Variants in GALNT13 observed in about 807,000 individuals in gnomAD.
GALNT13 encodes the protein polypeptide N-acetylgalactosaminyltransferase 13, also known as UDP-GalNAc:polypeptide N-acetylgalactosaminyltransferase 13.
In GALNT13, 28 loss-of-function variants were observed where a neutral mutation model predicts 64.2. The ratio of observed to expected loss-of-function variants is 0.44; its 90% confidence interval spans 0.32 to 0.60. The LOEUF (loss-of-function observed/expected upper bound fraction) is 0.60. GALNT13 is among the 20% of genes least tolerant of loss of function. The pLI, the probability that GALNT13 is intolerant of heterozygous loss-of-function variation, is 0.05. For missense variants in GALNT13, 577 were observed against 669.8 expected (o/e 0.86, Z 1.53); for synonymous variants, 214 against 224.6 (o/e 0.95, Z 0.42).
chr2:154,339,402 A>T (rs1695630431), intron 9 of GALNT13, among the ~76,000 whole-genome samples: 1 of 152,130 alleles, frequency 6.6e-6, no homozygotes, highest in Non-Finnish European at 1.5e-5. Flanking sequence ...ACTCAAAAAA[A>T]TAGTGGGTGT....
the GALNT13 span, among the ~76,000 whole-genome samples, chr2:153,507,434 C>T: frequency 2.6e-5 from 4 of 152,122 alleles, no homozygotes; most frequent in East Asian, 1.9e-4. Flanking sequence ...GCCCGTGCCA[C>T]GATGCACAGC....
intron 9 of GALNT13, among the ~76,000 whole-genome samples, chr2:154,312,711 T>G (rs774232169): frequency 6.6e-6 from 1 of 152,190 alleles, no homozygotes; most frequent in Non-Finnish European, 1.5e-5. Flanking sequence ...CCCAGAAATA[T>G]TTGTTAAATG....
At chr2:154,116,563 A>G (rs1159293374) in intron 3 of GALNT13, among the ~76,000 whole-genome samples, 1 of 152,142 alleles carries the variant, frequency 6.6e-6, no homozygotes, top group East Asian at 1.9e-4. Flanking sequence ...AACCAGCTTC[A>G]TTGTTTTTTG....
At chr2:154,428,913 G>A (rs759650336) in intron 11 of GALNT13, among the ~76,000 whole-genome samples, 1 of 151,832 alleles carries the variant, frequency 6.6e-6, no homozygotes, top group African/African-American at 2.4e-5. Context: ...TCCCACGGGC[G>A]CCTGCCACCA....
At chr2:154,065,766 A>G (rs1309378005) in intron 3 of GALNT13, among the ~76,000 whole-genome samples, 1 of 152,188 alleles carries the variant, frequency 6.6e-6, no homozygotes, top group African/African-American at 2.4e-5. Context: ...ACAGGTATGA[A>G]CAAGCCCAGA....
intron 3 of GALNT13, among the ~76,000 whole-genome samples, chr2:154,017,314 TA>T (rs1697074676): frequency 2.0e-5 from 3 of 152,194 alleles, no homozygotes; most frequent in Admixed American, 2.0e-4. Context: ...TATCCACATA[TA>T]ACTTTTCACA....
chr2:153,622,881 A>G, the GALNT13 span, among the ~76,000 whole-genome samples: 2 of 152,094 alleles, frequency 1.3e-5, no homozygotes, highest in Non-Finnish European at 2.9e-5. Flanking sequence ...CCTATATGTA[A>G]ATGTAACACA....
At chr2:153,976,210 T>TC (rs975698436) in intron 3 of GALNT13, among the ~76,000 whole-genome samples, 4 of 152,164 alleles carry the variant, frequency 2.6e-5, no homozygotes, top group African/African-American at 9.6e-5. Context: ...CATTTTATCC[T>TC]CAGTGCTTAG....
chr2:153,316,439 G>A, the GALNT13 span, among the ~76,000 whole-genome samples: 27 of 151,384 alleles, frequency 1.8e-4, no homozygotes, highest in Non-Finnish European at 3.2e-4. Context: ...TCAGGAGATC[G>A]AGACCATCCT....
chr2:153,172,946 A>G, the GALNT13 span, among the ~76,000 whole-genome samples: 5 of 152,142 alleles, frequency 3.3e-5, no homozygotes, highest in Non-Finnish European at 5.9e-5. Flanking sequence ...CTGAATGTCT[A>G]AGGCAGATTA....
the GALNT13 span, among the ~76,000 whole-genome samples, chr2:153,672,702 C>G: frequency 6.7e-6 from 1 of 150,200 alleles, no homozygotes; most frequent in South Asian, 2.1e-4. Context: ...TATCTAAGAT[C>G]AGAGCAGAAC....
At chr2:153,300,490 G>A in the GALNT13 span, among the ~76,000 whole-genome samples, 6 of 152,216 alleles carry the variant, frequency 3.9e-5, no homozygotes, top group Admixed American at 6.5e-5. Flanking sequence ...AAGCAAAGGG[G>A]ATTGCTGAGG....
chr2:153,273,285 A>C, the GALNT13 span, among the ~76,000 whole-genome samples: 2 of 152,180 alleles, frequency 1.3e-5, no homozygotes, highest in Non-Finnish European at 2.9e-5. Flanking sequence ...AATTTTTTTA[A>C]AAAAATGAAC....
At chr2:153,536,239 C>T in the GALNT13 span, among the ~76,000 whole-genome samples, 1 of 152,200 alleles carries the variant, frequency 6.6e-6, no homozygotes, top group African/African-American at 2.4e-5. Flanking sequence ...CCTTGCATGA[C>T]TGAGTTTCCC....
In GALNT13 at chr2:154,183,949, G is replaced by A. The variant is rs539594788; in HGVS notation, c.311+43444G>A. Among the ~76,000 whole-genome samples the A allele has an allele frequency of 2.5e-4, 38 of 151,892 alleles. 1 individual carries two copies. In the South Asian group the frequency reaches 7.9e-3, roughly 31 times the overall value. ...GAAATTTTTCTTTATTCTTAATATAGACATTAATTGTTATAGACTCCACAG... is the reference window on the plus strand; with the variant it reads ...GAAATTTTTCTTTATTCTTAATATAAACATTAATTGTTATAGACTCCACAG... On this transcript the variant is annotated intron_variant, in intron 4 of 12. Transcript: ENST00000392825.
chr2:154,079,419 T>G (rs1428835866), intron 3 of GALNT13, among the ~76,000 whole-genome samples: 2 of 151,648 alleles, frequency 1.3e-5, no homozygotes, highest in African/African-American at 4.8e-5. Context: ...TTTTTCTGAC[T>G]TAGATAATTG....
intron 9 of GALNT13, among the ~76,000 whole-genome samples, chr2:154,361,231 T>C (rs1697049936): frequency 1.3e-5 from 2 of 152,152 alleles, no homozygotes; most frequent in African/African-American, 4.8e-5. Context: ...ATGTTGTAGA[T>C]TAATTTGTAT....
At chr2:153,506,315 A>G in the GALNT13 span, among the ~76,000 whole-genome samples, 1 of 152,194 alleles carries the variant, frequency 6.6e-6, no homozygotes, top group Non-Finnish European at 1.5e-5. Context: ...GTATCTTTTA[A>G]GTGGAGCACT....
At chr2:153,345,651 CTTTCTT>C in the GALNT13 span, among the ~76,000 whole-genome samples, 2 of 129,632 alleles carry the variant, frequency 1.5e-5, 1 homozygote, top group African/African-American at 5.9e-5. Flanking sequence ...TTCTTTCTTT[CTTTCTT>C]TCTTTCTTTC....
Sources: allele counts gnomAD v4.1 joint callset (sites outside exome capture counted in the v4.1 genomes callset), GRCh38; gene constraint gnomAD v4.1.1; transcripts MANE v1.5; gene names NCBI Gene and HGNC (gene_info 2026-07-23, HGNC 2026-07-21).